GALNT13: variants seen among roughly 807,000 people sequenced by gnomAD.
GALNT13 encodes polypeptide N-acetylgalactosaminyltransferase 13.
GALNT13 carries 28 observed loss-of-function variants against 64.2 expected under a neutral mutation model. The ratio of observed to expected loss-of-function variants is 0.44; its 90% CI spans 0.32 to 0.60. GALNT13 has a LOEUF of 0.60. Among genes scored for constraint, GALNT13 ranks in the 20% least tolerant of loss-of-function variants. GALNT13 has a pLI of 0.05. For missense variants in GALNT13, 577 were observed against 669.8 expected (o/e 0.86, Z 1.53); for synonymous variants, 214 against 224.6 (o/e 0.95, Z 0.42).
chr2:153,769,586 A>G, the GALNT13 span, among the ~76,000 whole-genome samples: 1 of 152,150 alleles, frequency 6.6e-6, no homozygotes, highest in Non-Finnish European at 1.5e-5. Context: ...TGTATCTTGT[A>G]GGAGTTCTCT....
chr2:153,261,808 T>C, the GALNT13 span, among the ~76,000 whole-genome samples: 2 of 151,976 alleles, frequency 1.3e-5, no homozygotes, highest in Admixed American at 1.3e-4. Flanking sequence ...TCCCTTTTCC[T>C]CAAGCAGAGG....
At chr2:154,344,426 CA>C (rs1695953549) in intron 9 of GALNT13, among the ~76,000 whole-genome samples, 1 of 152,006 alleles carries the variant, frequency 6.6e-6, no homozygotes, top group Non-Finnish European at 1.5e-5. Context: ...TCAATGCTTT[CA>C]CAAAGGAATA....
At chr2:154,352,522 C>T (rs1215274986) in intron 9 of GALNT13, among the ~76,000 whole-genome samples, 2 of 152,202 alleles carry the variant, frequency 1.3e-5, no homozygotes, top group African/African-American at 4.8e-5. Context: ...ACTTTTATTA[C>T]TCCCAGATTA....
At chr2:153,716,225 T>A in the GALNT13 span, among the ~76,000 whole-genome samples, 1 of 152,194 alleles carries the variant, frequency 6.6e-6, no homozygotes, top group Non-Finnish European at 1.5e-5. Flanking sequence ...TCACACTGAA[T>A]ATCTCAGATC....
chr2:153,899,612 C>G (rs947036525), intron 1 of GALNT13, among the ~76,000 whole-genome samples: 1 of 152,008 alleles, frequency 6.6e-6, no homozygotes, highest in African/African-American at 2.4e-5. Flanking sequence ...ATCCCAATGT[C>G]TTTAACATAC....
At chr2:153,266,251 T>C in the GALNT13 span, among the ~76,000 whole-genome samples, 231 of 152,332 alleles carry the variant, frequency 1.5e-3, 1 homozygote, top group African/African-American at 5.0e-3. Context: ...ATAAATGCTT[T>C]AGTAAGATGT....
chr2:153,368,983 CA>C, the GALNT13 span, among the ~76,000 whole-genome samples: 1 of 151,376 alleles, frequency 6.6e-6, no homozygotes, highest in Non-Finnish European at 1.5e-5. Flanking sequence ...ATTATTGGGC[CA>C]TAACAGAATT....
the GALNT13 span, among the ~76,000 whole-genome samples, chr2:153,510,982 G>A: frequency 1.1e-3 from 166 of 152,118 alleles, no homozygotes; most frequent in Non-Finnish European, 2.1e-3. Flanking sequence ...GGAGAGGTAA[G>A]GATGAAAGAC....
the GALNT13 span, among the ~76,000 whole-genome samples, chr2:153,461,079 G>A: frequency 1.3e-5 from 2 of 151,986 alleles, no homozygotes; most frequent in African/African-American, 4.8e-5. Flanking sequence ...TTGCATTAAT[G>A]TTTTTGATTT....
intron 3 of GALNT13, among the ~76,000 whole-genome samples, chr2:153,949,215 A>G (rs1025201979): frequency 6.6e-6 from 1 of 152,176 alleles, no homozygotes; most frequent in Non-Finnish European, 1.5e-5. Flanking sequence ...TGTTTGCACA[A>G]TGATGACATC....
At position 153,980,350 on chromosome 2, in the gene GALNT13, A is replaced by T. The variant is rs543196428; in HGVS notation, c.142+35711A>T. Among the ~76,000 whole-genome samples the T allele has an allele frequency of 1.4e-4, 21 of 152,320 alleles. No homozygotes were observed. The South Asian group carries it at 3.5e-3, about 26-fold the overall frequency. On this transcript the variant is annotated intron_variant, in intron 3 of 12. Coordinates refer to ENST00000392825, the MANE Select transcript of GALNT13 (RefSeq NM_052917.4). ...TATGTGAAAAAATACGTTAGAGAGC[A>T]TGAAAAGTGGGTGGGAAGGAAGACC...
intron 8 of GALNT13, among the ~76,000 whole-genome samples, chr2:154,276,241 A>C (rs960189815): frequency 6.9e-6 from 1 of 144,158 alleles, no homozygotes; most frequent in South Asian, 2.2e-4. Context: ...TTTTTTTTTG[A>C]TGGAGTCTCA....
At chr2:154,416,642 C>G (rs1414322019) in intron 11 of GALNT13, among the ~76,000 whole-genome samples, 2 of 152,132 alleles carry the variant, frequency 1.3e-5, no homozygotes, top group East Asian at 3.9e-4. Flanking sequence ...TTCACTTTGG[C>G]TAGCTTTTTG....
intron 7 of GALNT13, among the ~76,000 whole-genome samples, chr2:154,252,434 G>A (rs550788495): frequency 6.6e-5 from 10 of 150,886 alleles, no homozygotes; most frequent in South Asian, 4.2e-4. Flanking sequence ...TTGGCCTACC[G>A]CAAGCTCCGC....
chr2:153,761,094 A>C, the GALNT13 span, among the ~76,000 whole-genome samples: 1 of 151,968 alleles, frequency 6.6e-6, no homozygotes, highest in Non-Finnish European at 1.5e-5. Context: ...TCATCCCCTC[A>C]CTTTCAGTCT....
the GALNT13 span, among the ~76,000 whole-genome samples, chr2:153,490,408 T>A: frequency 6.6e-6 from 1 of 152,128 alleles, no homozygotes; most frequent in Non-Finnish European, 1.5e-5. Flanking sequence ...TGAGACAAAG[T>A]CTTGCTCTGT....
At chr2:153,930,823 A>T (rs1176075836) in intron 2 of GALNT13, among the ~76,000 whole-genome samples, 1 of 152,060 alleles carries the variant, frequency 6.6e-6, no homozygotes, top group Non-Finnish European at 1.5e-5. Context: ...TTGGTGCCAT[A>T]TGAACTTTAG....
At chr2:153,404,157 G>A in the GALNT13 span, among the ~76,000 whole-genome samples, 1 of 152,136 alleles carries the variant, frequency 6.6e-6, no homozygotes, top group Admixed American at 6.5e-5. Context: ...AAATTAGTCC[G>A]AGGTGATAGA....
At chr2:153,608,691 A>G in the GALNT13 span, among the ~76,000 whole-genome samples, 1 of 147,906 alleles carries the variant, frequency 6.8e-6, no homozygotes, top group Non-Finnish European at 1.5e-5. Flanking sequence ...TCATATATTT[A>G]TAAAATATAT....
Sources: gnomAD v4.1 joint callset for allele counts (sites outside exome capture counted in the v4.1 genomes callset) on GRCh38, gnomAD v4.1.1 for gene constraint, MANE v1.5 for transcripts, NCBI Gene and HGNC (gene_info 2026-07-23, HGNC 2026-07-21) for gene names.